The following NIPBL variants were observed in gnomAD, a reference collection of about 807,000 sequenced individuals.
NIPBL encodes the protein NIPBL cohesin loading factor, also known as nipped-B-like protein.
Under a neutral mutation model 321.8 loss-of-function variants are expected in NIPBL, and 19 were observed. The observed-to-expected ratio is 0.06, with a 90% confidence interval of 0.04 to 0.09. NIPBL has a LOEUF of 0.09. Ranked by LOEUF, NIPBL falls within the 10% of genes least tolerant of loss-of-function variation. The pLI is 1.00. For missense variants in NIPBL, 2,210 were observed against 3,327.0 expected (o/e 0.66, Z 8.26); for synonymous variants, 1,106 against 1,114.1 (o/e 0.99, Z 0.14).
chr5:37,050,834 CTTCTTTTTTTTT>C (rs1274987787), intron 40 of NIPBL: 1 of 152,058 alleles, frequency 6.6e-6, no homozygotes, highest in Non-Finnish European at 1.5e-5. Flanking sequence ...CCTTTTTCCT[CTTCTTTTTTTTT>C]GAGGCAAGAT....
At position 37,063,990 on chromosome 5, in the gene NIPBL, G is replaced by A. The variant is rs572101866; in HGVS notation, c.8049+12G>A. 5 of 1,613,716 alleles carry A rather than the reference G, an allele frequency of 3.1e-6. No homozygotes were observed. The highest frequency in any genetic ancestry group is 2.7e-5 in the African/African-American group (2 of 75,020). ...GAGGCACTTCAGGGGTGAGGCGGAG[G>A]AGGAGTCAACGTATTTCGCAGCGTA... On this transcript the variant is annotated intron_variant, in intron 46 of 46. Coordinates refer to ENST00000282516, the MANE Select transcript of NIPBL (RefSeq NM_133433.4).
At chr5:37,061,058 C>T (rs1382234808) in intron 45 of NIPBL, 40 bp downstream of exon 45, 2 of 1,533,526 alleles carry the variant, frequency 1.3e-6, no homozygotes, top group East Asian at 2.2e-5. Flanking sequence ...CTCATAAGGG[C>T]TTTTTTGACA....
At chr5:36,974,266 A>T (rs1475777460) in intron 8 of NIPBL, among the ~76,000 whole-genome samples, 2 of 152,146 alleles carry the variant, frequency 1.3e-5, no homozygotes, top group Non-Finnish European at 2.9e-5. Flanking sequence ...TCACTAATAT[A>T]TTATTCACCA....
chr5:36,912,747 G>A (rs908871420), intron 1 of NIPBL, among the ~76,000 whole-genome samples: 3 of 151,994 alleles, frequency 2.0e-5, no homozygotes, highest in South Asian at 2.1e-4. Context: ...TGATCCACCC[G>A]CCTCGGCCTC....
intron 1 of NIPBL, among the ~76,000 whole-genome samples, chr5:36,951,176 C>T (rs1054648196): frequency 1.3e-5 from 2 of 152,114 alleles, no homozygotes; most frequent in Non-Finnish European, 2.9e-5. Context: ...AAAGCACAAT[C>T]TTGTGGTTAG....
rs759424370 is a variant in NIPBL, at chr5:36,953,678, A to T, written c.-19A>T. ...TGAACTAAGTACTTTTATAGGCAAC[A>T]CCATTCCAGAAATTCAGGATGAATG... is the stretch of plus-strand genomic sequence containing the variant. On this transcript the variant is annotated 5_prime_UTR_variant, in exon 2 of 47. Transcript: ENST00000282516. 28 of 1,611,802 alleles carry T rather than the reference A, an allele frequency of 1.7e-5. No homozygotes were observed. The highest frequency in any genetic ancestry group is 2.3e-5 in the Non-Finnish European group (27 of 1,177,872).
chr5:37,002,672 T>A lies in NIPBL; in HGVS notation c.3675T>A (p.Asp1225Glu), dbSNP rs768536990. ...GGCTTGATTTTGCAGGTGATGATGATGAAATTCCTCAGGAACTGCTCTTAG... is the reference window on the plus strand; with the variant it reads ...GGCTTGATTTTGCAGGTGATGATGAAGAAATTCCTCAGGAACTGCTCTTAG... ...DMDFTAFGDD[D>E]EIPQELLLGK... Residue 1225 changes from aspartate to glutamate, a missense_variant, in exon 15 of 47, where the codon GAT (aspartate) becomes GAA (glutamate). Physicochemically the swap from Asp to Glu is conservative, Grantham distance 45. This residue lies in a region of NIPBL where 381 missense variants were observed against 642.3 expected (regional missense o/e 0.59). Coordinates refer to ENST00000282516, the MANE Select transcript of NIPBL (RefSeq NM_133433.4). 2 of 1,608,212 alleles carry A rather than the reference T, an allele frequency of 1.2e-6. No individual in the cohort carries two copies. The highest frequency in any genetic ancestry group is 1.7e-6 in the Non-Finnish European group (2 of 1,174,956).
chr5:36,907,774 G>A (rs942738544), intron 1 of NIPBL, among the ~76,000 whole-genome samples: 2 of 152,024 alleles, frequency 1.3e-5, no homozygotes, highest in Non-Finnish European at 2.9e-5. Context: ...TGCCACTGAG[G>A]AAAAGGTCTG....
At chr5:36,991,177 A>G (rs1168300105) in intron 10 of NIPBL, among the ~76,000 whole-genome samples, 1 of 152,028 alleles carries the variant, frequency 6.6e-6, no homozygotes, top group African/African-American at 2.4e-5. Flanking sequence ...TTCTCTTTTA[A>G]ACTTATTACA....
At chr5:36,977,617 A>ATTTTTTTT (rs1743635363) in intron 9 of NIPBL, among the ~76,000 whole-genome samples, 1 of 148,518 alleles carries the variant, frequency 6.7e-6, no homozygotes, top group South Asian at 2.1e-4. Context: ...TTTTTTTTTA[A>ATTTTTTTT]TATAGATTCA....
intron 2 of NIPBL, among the ~76,000 whole-genome samples, chr5:36,954,417 G>A (rs1740719016): frequency 6.6e-6 from 1 of 152,130 alleles, no homozygotes; most frequent in East Asian, 1.9e-4. Context: ...CAGCCTGTTA[G>A]CTTTGAGCTT....
chr5:37,033,730 ATTTTTTTT>A (rs58081432), intron 32 of NIPBL, among the ~76,000 whole-genome samples: 4 of 21,500 alleles, frequency 1.9e-4, no homozygotes, highest in African/African-American at 6.1e-4. Context: ...ATATATATAT[ATTTTTTTT>A]TTTTTTTTTT....
chr5:37,003,224 A>G lies in NIPBL; in HGVS notation c.3769-37A>G, dbSNP rs898308768. ...GTTTCTTGAATAATATATAACTTTT[A>G]CCAACGATTGATAAAGAATTTATAT... On this transcript the variant is annotated intron_variant, in intron 15 of 46. Transcript: ENST00000282516. 7 of 1,187,184 alleles carry G rather than the reference A, an allele frequency of 5.9e-6. No homozygotes were observed. In the African/African-American group the frequency reaches 1.0e-4, roughly 18 times the overall value. 73.5% of individuals were successfully genotyped at this position (1,187,184 alleles called of 1,614,324 possible).
At chr5:36,900,860 T>C (rs1024510923) in intron 1 of NIPBL, among the ~76,000 whole-genome samples, 1 of 152,180 alleles carries the variant, frequency 6.6e-6, no homozygotes, top group Admixed American at 6.5e-5. Context: ...TTCTTCAAGT[T>C]CCAGCGTAAT....
intron 1 of NIPBL, among the ~76,000 whole-genome samples, chr5:36,939,029 G>T (rs920932490): frequency 1.4e-5 from 2 of 147,764 alleles, no homozygotes; most frequent in East Asian, 1.9e-4. Context: ...TTTTCACAGG[G>T]TCTTGCTCTG....
At chr5:37,015,403 C>T (rs950145406) in intron 22 of NIPBL, among the ~76,000 whole-genome samples, 3 of 151,988 alleles carry the variant, frequency 2.0e-5, no homozygotes, top group Non-Finnish European at 2.9e-5. Context: ...GGATTACAGG[C>T]GTGAGCCACT....
chr5:37,006,158 T>C (rs149646313), intron 16 of NIPBL, among the ~76,000 whole-genome samples, 199 bp from the exon 17 acceptor site: 1 of 152,150 alleles, frequency 6.6e-6, no homozygotes, highest in African/African-American at 2.4e-5. Flanking sequence ...TGAGGTAGAG[T>C]ATATCACGTT....
intron 45 of NIPBL, among the ~76,000 whole-genome samples, chr5:37,063,046 T>G (rs1184561026): frequency 6.6e-6 from 1 of 152,072 alleles, no homozygotes; most frequent in Non-Finnish European, 1.5e-5. Context: ...AAAAATAAAG[T>G]TTTATATTTT....
At position 36,919,369 on chromosome 5, in the gene NIPBL, C is replaced by CT. The variant is rs1029389374; in HGVS notation, c.-79-34238dup. ...TTATCTTTATTTCTCTCCTACCTCT[C>CT]TTTTTTTTTTTAAGAGATAGGGTCT... On this transcript the variant is annotated intron_variant, in intron 1 of 46. Coordinates refer to ENST00000282516, the MANE Select transcript of NIPBL (RefSeq NM_133433.4). 1.7e-3 allele frequency among the ~76,000 whole-genome samples: 243 copies of CT among 145,914 alleles called. 1 individual carries two copies. The highest frequency in any genetic ancestry group is 6.9e-3 in the Middle Eastern group (2 of 288).
Sources: gnomAD v4.1 joint callset for allele counts (sites outside exome capture counted in the v4.1 genomes callset) on GRCh38, gnomAD v4.1.1 for gene constraint, gnomAD v4.1.1 regional missense constraint, MANE v1.5 for transcripts, NCBI Gene and HGNC (gene_info 2026-07-23, HGNC 2026-07-21) for gene names.